PPP2R5C: variants seen among roughly 807,000 people sequenced by gnomAD.
PPP2R5C encodes protein phosphatase 2 regulatory subunit B'gamma.
PPP2R5C carries 7 observed loss-of-function variants against 68.9 expected under a neutral mutation model. The observed-to-expected ratio is 0.10, with a 90% CI of 0.06 to 0.19. The LOEUF is 0.19. Among genes scored for constraint, PPP2R5C ranks in the 10% least tolerant of loss-of-function variants. The pLI, the probability that PPP2R5C is intolerant of heterozygous loss-of-function variation, is 1.00. For synonymous variants in PPP2R5C, 210 were observed against 222.2 expected (o/e 0.95, Z 0.49); for missense variants, 348 against 641.3 (o/e 0.54, Z 4.94).
exon 14 of PPP2R5C, chr14:101,925,844 G>C (rs547120950): frequency 6.6e-6 from 1 of 152,498 alleles, no homozygotes; most frequent in Non-Finnish European, 1.5e-5. Context: ...TTTTCTAAGG[G>C]GTCTCTTCAC....
At chr14:101,852,469 CTTT>C (rs559509845) in intron 1 of PPP2R5C, among the ~76,000 whole-genome samples, 1 of 115,096 alleles carries the variant, frequency 8.7e-6, no homozygotes. Flanking sequence ...TTTTCTTTTT[CTTT>C]TTTTTTTTTT....
rs2037690748 is a variant in PPP2R5C at position 101,781,543 on chromosome 14, A to G, written c.94-4475A>G. On this transcript the variant is annotated intron_variant, in intron 2 of 14. Coordinates refer to the PPP2R5C transcript ENST00000328724. This position sits in a 1 kb window ranked among gnomAD's most constrained non-coding sequence, Gnocchi z 6.4. ...CAGCCTGCGCCTTCCTGGGCGCCTG[A>G]CGCACCCCTCTGCCCCAACCACGTT... Among the ~76,000 whole-genome samples the G allele has an allele frequency of 6.9e-6, 1 of 145,840 alleles. No homozygotes were observed. Among genetic ancestry groups the G allele is most frequent in the Non-Finnish European group, 1.5e-5 (1 of 66,790 alleles).
chr14:101,824,112 C>T (rs891780018), intron 1 of PPP2R5C: 37 of 1,288,590 alleles, frequency 2.9e-5, no homozygotes, highest in Non-Finnish European at 1.6e-5. Flanking sequence ...GCTCGCACAT[C>T]CCGAGAGATT....
At chr14:101,834,805 C>T (rs1356762732) in intron 1 of PPP2R5C, among the ~76,000 whole-genome samples, 1 of 152,148 alleles carries the variant, frequency 6.6e-6, no homozygotes, top group Admixed American at 6.5e-5. Flanking sequence ...TCTTTCCTCT[C>T]CCAAGATGAC....
intron 1 of PPP2R5C, among the ~76,000 whole-genome samples, chr14:101,852,722 TC>T (rs2042235176): frequency 6.6e-6 from 1 of 152,114 alleles, no homozygotes; most frequent in African/African-American, 2.4e-5. Flanking sequence ...TCCACCCATC[TC>T]GGCCTCCCAA....
At chr14:101,874,970 C>A (rs2043665860) in intron 2 of PPP2R5C, among the ~76,000 whole-genome samples, 1 of 152,194 alleles carries the variant, frequency 6.6e-6, no homozygotes, top group South Asian at 2.1e-4. Context: ...GAGCTCCTAA[C>A]CTCAGGTGAC....
At chr14:101,852,078 GGCA>G (rs2042189726) in intron 1 of PPP2R5C, among the ~76,000 whole-genome samples, 1 of 152,172 alleles carries the variant, frequency 6.6e-6, no homozygotes. Flanking sequence ...ACGCTTGCCT[GGCA>G]GCAAAAACAA....
At chr14:101,855,557 C>T (rs930225049) in intron 1 of PPP2R5C, among the ~76,000 whole-genome samples, 5 of 152,202 alleles carry the variant, frequency 3.3e-5, no homozygotes, top group African/African-American at 1.2e-4. Flanking sequence ...TTGAATGGCT[C>T]TTTTGCCCTT....
At position 101,863,321 on chromosome 14, in the gene PPP2R5C, A is replaced by G. The variant is rs1339200447; in HGVS notation, c.294+6436A>G. 9.2e-5 allele frequency among the ~76,000 whole-genome samples: 14 copies of G among 151,774 alleles called. No homozygotes were observed. The East Asian group carries it at 2.3e-3, about 25-fold the overall frequency. On this transcript the variant is annotated intron_variant, in intron 2 of 13. Transcript: ENST00000334743. Reference sequence around the variant, plus strand: ...AGACTGCTTCTCAAAAAAAAAAGACATGGAGTCTGGCTATGTTTCCTGAGT... The same window carrying G: ...AGACTGCTTCTCAAAAAAAAAAGACGTGGAGTCTGGCTATGTTTCCTGAGT...
chr14:101,836,475 T>G (rs2041110249), intron 1 of PPP2R5C: 1 of 655,848 alleles, frequency 1.5e-6, no homozygotes, highest in Non-Finnish European at 2.8e-6. Flanking sequence ...TCTGTTATTT[T>G]GGAAACTTAT....
chr14:101,834,164 A>G (rs527333911), intron 1 of PPP2R5C, among the ~76,000 whole-genome samples: 1 of 152,302 alleles, frequency 6.6e-6, no homozygotes, highest in South Asian at 2.1e-4. Flanking sequence ...TCCATTCAAG[A>G]CAGATTATAT....
At chr14:101,783,931 C>G (rs1416051271) in intron 2 of PPP2R5C, among the ~76,000 whole-genome samples, 1 of 152,226 alleles carries the variant, frequency 6.6e-6, no homozygotes, top group Non-Finnish European at 1.5e-5. Context: ...GAAGGCGGAG[C>G]AGAAACCTGT....
intron 1 of PPP2R5C, among the ~76,000 whole-genome samples, chr14:101,832,742 A>C (rs1042371501): frequency 6.6e-6 from 1 of 152,178 alleles, no homozygotes; most frequent in Non-Finnish European, 1.5e-5. Flanking sequence ...AGACTCCAGC[A>C]GCGTGAGTGA....
exon 14 of PPP2R5C, chr14:101,925,780 C>T (rs898902424): frequency 1.3e-5 from 2 of 153,088 alleles, no homozygotes; most frequent in African/African-American, 4.8e-5. Context: ...TGGCTCTTTG[C>T]TTTCGAGTTC....
chr14:101,837,650 G>A (rs995064996), intron 1 of PPP2R5C, among the ~76,000 whole-genome samples: 3 of 152,194 alleles, frequency 2.0e-5, no homozygotes, highest in Admixed American at 2.0e-4. Context: ...AACTTCCATG[G>A]AGGCGAGGAC....
chr14:101,851,798 A>G lies in PPP2R5C; in HGVS notation c.95-4888A>G, dbSNP rs117208996. Among the ~76,000 whole-genome samples, 10 of 152,146 alleles carry G rather than the reference A, an allele frequency of 6.6e-5. No individual in the cohort carries two copies. In the East Asian group the frequency reaches 1.7e-3, roughly 26 times the overall value. On this transcript the variant is annotated intron_variant, in intron 1 of 13. Transcript: ENST00000334743. ...TTGACCACCAAGACTTTTCATGTAA[A>G]TGTGGGCTTGGCTTCTTTTTTTCAA...
In PPP2R5C at chr14:101,906,465, G is replaced by A. The variant is rs866039175; in HGVS notation, c.1087G>A (p.Ala363Thr). 9 of 1,613,336 alleles carry A rather than the reference G, an allele frequency of 5.6e-6. No individual in the cohort carries two copies. The Middle Eastern group carries it at 5.0e-4, about 90-fold the overall frequency. The change falls in exon 10 of 14, where the codon GCA becomes ACA. Residue 363 changes from alanine (A) to threonine (T), a missense_variant. Physicochemically the swap from Ala to Thr is moderately conservative, Grantham distance 58. Around this residue, in one of 4 missense-constraint regions of PPP2R5C, gnomAD observed 101 missense variants for 209.8 expected, o/e 0.48. Coordinates refer to ENST00000334743, the Ensembl canonical transcript of PPP2R5C. This position sits in a 1 kb window ranked among gnomAD's most constrained non-coding sequence, Gnocchi z 4.0. ...CATCATGAGTTTAATCAGTGACAACGCAGCGAAGATTCTGCCCATCATGTT... is the reference window on the plus strand; with the variant it reads ...CATCATGAGTTTAATCAGTGACAACACAGCGAAGATTCTGCCCATCATGTT...
At chr14:101,922,985 T>C (rs1245728826) in intron 13 of PPP2R5C, among the ~76,000 whole-genome samples, 1 of 152,226 alleles carries the variant, frequency 6.6e-6, no homozygotes, top group Non-Finnish European at 1.5e-5. Flanking sequence ...ACGGTTTACA[T>C]TGAGCCTTCC....
At chr14:101,907,386 G>A (rs1028793530) in intron 10 of PPP2R5C, among the ~76,000 whole-genome samples, 2 of 152,050 alleles carry the variant, frequency 1.3e-5, no homozygotes, top group South Asian at 2.1e-4. Context: ...GCCCAGGCTG[G>A]TCTCGAACTC....
Sources: allele counts gnomAD v4.1 joint callset (sites outside exome capture counted in the v4.1 genomes callset), GRCh38; gene constraint gnomAD v4.1.1; regional missense constraint gnomAD v4.1.1; non-coding constraint Gnocchi (gnomAD v3.1); transcripts MANE v1.5; gene names NCBI Gene and HGNC (gene_info 2026-07-23, HGNC 2026-07-21).